The following RGPD3 variants were observed in gnomAD, a reference collection of about 807,000 sequenced individuals.
RGPD3 encodes ranBP2-like and GRIP domain-containing protein 3.
A neutral mutation model predicts 154.5 loss-of-function variants in RGPD3; 62 were observed. The ratio of observed to expected loss-of-function variants is 0.40; its 90% CI spans 0.33 to 0.50. The LOEUF is 0.50. Ranked by LOEUF, RGPD3 falls within the 20% of genes least tolerant of loss-of-function variation. RGPD3 has a pLI of 0.59. For synonymous variants in RGPD3, 308 were observed against 607.0 expected (o/e 0.51, Z 7.24); for missense variants, 919 against 1,716.8 (o/e 0.54, Z 8.21).
Position 106,413,114 on chromosome 2 carries a change from C to G in RGPD3, c.5236G>C (p.Glu1746Gln). Reference sequence around the variant, plus strand: ...GCAACCGCAGCAAGTTTTCCCTTTTCTTCAAGGCTGAGCTGCAACATCGTA... The same window carrying G: ...GCAACCGCAGCAAGTTTTCCCTTTTGTTCAAGGCTGAGCTGCAACATCGTA... ...INTMLQLSLEEKGKLAAVAQG... is the reference protein window; with the variant it reads ...INTMLQLSLEQKGKLAAVAQG... Residue 1746 changes from glutamate (E) to glutamine (Q), a missense_variant, in exon 22 of 23, where the codon GAA (glutamate) becomes CAA (glutamine). Physicochemically the swap from Glu to Gln is conservative, Grantham distance 29. Transcript: ENST00000409886. The G allele has an allele frequency of 6.2e-7, 1 of 1,610,910 alleles. No homozygotes were observed. Among genetic ancestry groups the G allele is most frequent in the East Asian group, 2.2e-5 (1 of 44,728 alleles).
chr2:106,465,330 A>C (rs1167646251), intron 1 of RGPD3, among the ~76,000 whole-genome samples: 1 of 152,240 alleles, frequency 6.6e-6, no homozygotes, highest in African/African-American at 2.4e-5. Context: ...TATTCCGCTG[A>C]AATCCCCAGG....
chr2:106,446,569 CAAAAAAAAAAAA>C (rs550745664), intron 7 of RGPD3, among the ~76,000 whole-genome samples: 2 of 20,552 alleles, frequency 9.7e-5, no homozygotes, highest in South Asian at 3.4e-3. Flanking sequence ...GACTCCATCT[CAAAAAAAAAAAA>C]AAAAAAAAAA....
intron 20 of RGPD3, among the ~76,000 whole-genome samples, chr2:106,421,334 T>A (rs934088784): frequency 6.6e-6 from 1 of 152,080 alleles, no homozygotes; most frequent in African/African-American, 2.4e-5. Context: ...TCACAGAAAC[T>A]GTACGCAAGT....
chr2:106,438,283 G>C (rs1677635980), intron 9 of RGPD3, among the ~76,000 whole-genome samples: 1 of 151,894 alleles, frequency 6.6e-6, no homozygotes, highest in African/African-American at 2.4e-5. Context: ...CTAGGAGTTG[G>C]AGACTAGCCT....
intron 7 of RGPD3, among the ~76,000 whole-genome samples, chr2:106,443,584 C>A (rs1215639548): frequency 1.3e-4 from 13 of 98,186 alleles, no homozygotes; most frequent in Non-Finnish European, 1.5e-4. Context: ...GACCTCAATT[C>A]ATAAACCCGG....
At chr2:106,417,609 C>A (rs373871488) in intron 20 of RGPD3, among the ~76,000 whole-genome samples, 1 of 140,186 alleles carries the variant, frequency 7.1e-6, no homozygotes, top group Non-Finnish European at 1.6e-5. Flanking sequence ...TGTCTAGAAG[C>A]GGGAGGTCTG....
intron 22 of RGPD3, among the ~76,000 whole-genome samples, chr2:106,409,818 G>T (rs1332853907): frequency 8.3e-6 from 1 of 120,488 alleles, no homozygotes; most frequent in Non-Finnish European, 1.8e-5. Context: ...CTTGTTTTTT[G>T]TTTCTCCCAT....
chr2:106,420,800 G>C (rs1230378573), intron 20 of RGPD3, among the ~76,000 whole-genome samples: 1 of 152,140 alleles, frequency 6.6e-6, no homozygotes, highest in African/African-American at 2.4e-5. Flanking sequence ...TTTGAGATGC[G>C]GTCTTCCTTT....
chr2:106,445,783 AT>A (rs1197332799), intron 7 of RGPD3, among the ~76,000 whole-genome samples: 1 of 124,898 alleles, frequency 8.0e-6, no homozygotes, highest in Non-Finnish European at 1.7e-5. Flanking sequence ...TCCGTCTCAA[AT>A]AAAAATAAAA....
intron 6 of RGPD3, among the ~76,000 whole-genome samples, chr2:106,449,835 G>A (rs1678055444): frequency 6.6e-6 from 1 of 151,634 alleles, no homozygotes; most frequent in Admixed American, 6.6e-5. Context: ...GGCTAACACA[G>A]TGAAACCCCA....
At chr2:106,449,167 A>G (rs1466234990) in intron 6 of RGPD3, among the ~76,000 whole-genome samples, 1 of 151,846 alleles carries the variant, frequency 6.6e-6, no homozygotes, top group South Asian at 2.1e-4. Flanking sequence ...TATTTTTCAT[A>G]AAAAATGCTA....
chr2:106,460,443 AT>A (rs1678374737), intron 1 of RGPD3, among the ~76,000 whole-genome samples: 1 of 145,540 alleles, frequency 6.9e-6, no homozygotes, highest in Non-Finnish European at 1.5e-5. Context: ...TCAGATCAGT[AT>A]TTTACAGTCA....
Position 106,424,699 on chromosome 2 carries a change from T to A in RGPD3, c.3268A>T (p.Asn1090Tyr). The A allele has an allele frequency of 6.2e-7, 1 of 1,611,996 alleles. No homozygotes were observed. Among genetic ancestry groups the A allele is most frequent in the Admixed American group, 1.7e-5 (1 of 60,012 alleles). Residue 1090 changes from asparagine (N) to tyrosine (Y), a missense_variant, in exon 20 of 23, where the codon AAC becomes TAC. Physicochemically the swap from Asn to Tyr is moderately radical, Grantham distance 143. Transcript: ENST00000409886. The part of the protein sequence containing the change: ...RGLGNLKILK[N>Y]EVNGKVRMLM... ...ATTCTTACTTTGCCATTGACCTCGT[T>A]TTTGAGAATTTTTAAGTTCCCCAAG... is the stretch of plus-strand genomic sequence containing the variant.
chr2:106,424,296 G>A lies in RGPD3; in HGVS notation c.3671C>T (p.Ser1224Leu). ...TGAGGCACCGGCCGCACCTGTACCT[G>A]AACCCTTATTTTCTTCCTCAGCGAC... is the stretch of plus-strand genomic sequence containing the variant. ...TKVAEEENKG[S>L]GTGAAGASDT... The change falls in exon 20 of 23, where the codon TCA becomes TTA. Residue 1224 changes from serine to leucine, a missense_variant. By Grantham distance (145) the Ser-to-Leu change is moderately radical (BLOSUM62 -2). Coordinates refer to ENST00000409886, the MANE Select transcript of RGPD3 (RefSeq NM_001144013.2). 6.2e-7 allele frequency: 1 copy of A among 1,611,920 alleles called. No individual in the cohort carries two copies. The highest frequency in any genetic ancestry group is 8.5e-7 in the Non-Finnish European group (1 of 1,179,858).
At chr2:106,409,105 G>C (rs892017841) in intron 22 of RGPD3, among the ~76,000 whole-genome samples, 6 of 152,252 alleles carry the variant, frequency 3.9e-5, no homozygotes, top group Admixed American at 3.9e-4. Flanking sequence ...CAAAACCAGA[G>C]ATTATAAACA....
At chr2:106,450,534 C>T (rs1347868906) in intron 6 of RGPD3, among the ~76,000 whole-genome samples, 1 of 143,614 alleles carries the variant, frequency 7.0e-6, no homozygotes, top group Non-Finnish European at 1.5e-5. Flanking sequence ...GCCTCCCCCT[C>T]TGAGGGCCAA....
chr2:106,423,619 G>T lies in RGPD3; in HGVS notation c.4348C>A (p.Leu1450Ile). The T allele has an allele frequency of 6.3e-7, 1 of 1,596,490 alleles. No individual in the cohort carries two copies. The highest frequency in any genetic ancestry group is 8.5e-7 in the Non-Finnish European group (1 of 1,173,990). ...TTAAACGAGTCTGCAACATCCTGTA[G>T]TTTAAAACGAACAGCTAAATGCTCT... is the stretch of plus-strand genomic sequence containing the variant. ...KVEHLAVRFK[L>I]QDVADSFKKI... Residue 1450 changes from leucine to isoleucine, a missense_variant, in exon 20 of 23, where the codon CTA becomes ATA. Coordinates refer to ENST00000409886, the MANE Select transcript of RGPD3 (RefSeq NM_001144013.2).
intron 6 of RGPD3, among the ~76,000 whole-genome samples, chr2:106,448,228 C>A (rs1185121053): frequency 6.6e-6 from 1 of 152,104 alleles, no homozygotes; most frequent in Non-Finnish European, 1.5e-5. Context: ...CTGACTCAGC[C>A]TCCTGAGTAG....
At chr2:106,464,128 G>C (rs1373653163) in intron 1 of RGPD3, among the ~76,000 whole-genome samples, 1 of 152,092 alleles carries the variant, frequency 6.6e-6, no homozygotes, top group Non-Finnish European at 1.5e-5. Context: ...GGCGGATCAT[G>C]AGGTCAGGAG....
Sources: allele counts gnomAD v4.1 joint callset (sites outside exome capture counted in the v4.1 genomes callset), GRCh38; gene constraint gnomAD v4.1.1; transcripts MANE v1.5; gene names NCBI Gene and HGNC (gene_info 2026-07-23, HGNC 2026-07-21).